Variants in FOXP1 observed in about 807,000 individuals in gnomAD.
FOXP1 encodes forkhead box P1.
In FOXP1, 15 loss-of-function variants were observed where a neutral mutation model predicts 98.2. The ratio of observed to expected loss-of-function variants is 0.15; its 90% CI spans 0.10 to 0.24. FOXP1 has a LOEUF of 0.24. FOXP1 is among the 10% of genes least tolerant of loss of function. The pLI is 1.00. For synonymous variants in FOXP1, 371 were observed against 314.5 expected, an observed-to-expected ratio of 1.18 and a Z score of -1.90; for missense variants, 633 against 848.5, an observed-to-expected ratio of 0.75 and a Z score of 3.15.
intron 2 of FOXP1, among the ~76,000 whole-genome samples, chr3:71,500,464 GGAT>G (rs930556147): frequency 4.5e-4 from 68 of 152,184 alleles, no homozygotes; most frequent in African/African-American, 1.4e-3. Context: ...CCCTCTTTGG[GGAT>G]GAGATAGACC....
At chr3:71,167,679 C>A (rs1213695127) in intron 6 of FOXP1, among the ~76,000 whole-genome samples, 2 of 152,194 alleles carry the variant, frequency 1.3e-5, no homozygotes, top group Non-Finnish European at 2.9e-5. Context: ...GCTTTCACTT[C>A]ATTACTGCCC....
rs2107012031 is a variant in FOXP1, at chr3:70,965,920, C to T, written c.1859G>A (p.Ser620Asn). The T allele has an allele frequency of 6.2e-7, 1 of 1,614,116 alleles. No homozygotes were observed. Among genetic ancestry groups the T allele is most frequent in the Non-Finnish European group, 8.5e-7 (1 of 1,180,022 alleles). ...MEHTNSNESD[S>N]SPGRSPMQAV... ...TTGCATAGGAGATCTGCCTGGACTG[C>T]TGTCACTCTCGTTGCTGTTGGTATG... Residue 620 changes from serine (S) to asparagine (N), a missense_variant, in exon 20 of 21, where the codon AGC becomes AAC. Physicochemically the swap from Ser to Asn is conservative, Grantham distance 46. Coordinates refer to ENST00000649528, the MANE Select transcript of FOXP1 (RefSeq NM_001349338.3).
chr3:71,451,574 CAA>C (rs1267769923), intron 3 of FOXP1, among the ~76,000 whole-genome samples: 1 of 151,616 alleles, frequency 6.6e-6, no homozygotes, highest in Non-Finnish European at 1.5e-5. Flanking sequence ...TTCATTGAAA[CAA>C]AAAGACAAAA....
chr3:71,434,987 A>AT (rs1342185130), intron 3 of FOXP1, among the ~76,000 whole-genome samples: 7 of 151,766 alleles, frequency 4.6e-5, no homozygotes, highest in Admixed American at 4.6e-4. Flanking sequence ...CAGGTATTAG[A>AT]TGGCCATTTC....
rs147684004 is a variant in FOXP1, at chr3:71,562,616, C to T, written c.-298+18933G>A. On this transcript the variant is annotated intron_variant, in intron 2 of 20. Coordinates refer to ENST00000649528, the MANE Select transcript of FOXP1 (RefSeq NM_001349338.3). Reference sequence around the variant, plus strand: ...ATCATGTGAATTATCCTTACAACAACCCAGACAGGTACCTATTATCAACAA... The same window carrying T: ...ATCATGTGAATTATCCTTACAACAATCCAGACAGGTACCTATTATCAACAA... Among the ~76,000 whole-genome samples, 141 of 152,252 alleles carry T rather than the reference C, an allele frequency of 9.3e-4. 2 individuals are homozygous for T. The East Asian group carries it at 0.024, about 25-fold the overall frequency.
chr3:71,522,082 T>C (rs1371309401), intron 2 of FOXP1, among the ~76,000 whole-genome samples: 1 of 152,112 alleles, frequency 6.6e-6, no homozygotes, highest in Non-Finnish European at 1.5e-5. Context: ...AACAGCCACA[T>C]ACAAACATCC....
rs528115174 is a variant in FOXP1, at chr3:71,048,064, G to A, written c.511-969C>T. On this transcript the variant is annotated intron_variant, in intron 9 of 20. Coordinates refer to ENST00000649528, the MANE Select transcript of FOXP1 (RefSeq NM_001349338.3). ...TAATATCCTTAATCTGCTAGCAATCGTATCGAGGTGGAGGTCTTAGCCACA... is the reference window on the plus strand; with the variant it reads ...TAATATCCTTAATCTGCTAGCAATCATATCGAGGTGGAGGTCTTAGCCACA... Among the ~76,000 whole-genome samples the A allele has an allele frequency of 1.3e-4, 20 of 152,122 alleles. No homozygotes were observed. The East Asian group carries it at 2.7e-3, about 21-fold the overall frequency.
At chr3:71,541,383 G>A (rs1313655881) in intron 2 of FOXP1, among the ~76,000 whole-genome samples, 1 of 152,184 alleles carries the variant, frequency 6.6e-6, no homozygotes, top group African/African-American at 2.4e-5. Flanking sequence ...AGTACATCTT[G>A]AGCCCTTTCT....
At chr3:71,556,240 A>C (rs982316618) in intron 2 of FOXP1, among the ~76,000 whole-genome samples, 1 of 152,152 alleles carries the variant, frequency 6.6e-6, no homozygotes, top group Non-Finnish European at 1.5e-5. Context: ...CAATTTCATT[A>C]GTTATTAAAG....
At chr3:70,997,981 C>T (rs554483330) in intron 13 of FOXP1, among the ~76,000 whole-genome samples, 2 of 152,162 alleles carry the variant, frequency 1.3e-5, no homozygotes, top group Non-Finnish European at 2.9e-5. Context: ...ATGTGAAGAG[C>T]TAGTAGGGAA....
intron 2 of FOXP1, chr3:71,570,258 T>G (rs1055298473): frequency 6.6e-6 from 1 of 151,986 alleles, no homozygotes; most frequent in Admixed American, 6.5e-5. Flanking sequence ...ACTTTGTTTC[T>G]TGTTTTCTAC....
intron 6 of FOXP1, among the ~76,000 whole-genome samples, chr3:71,192,915 G>A (rs2063076417): frequency 6.6e-6 from 1 of 152,146 alleles, no homozygotes; most frequent in Non-Finnish European, 1.5e-5. Flanking sequence ...CTCCCAAAAT[G>A]GTGGGATTAC....
At chr3:71,528,922 G>A (rs778850424) in intron 2 of FOXP1, among the ~76,000 whole-genome samples, 14 of 152,146 alleles carry the variant, frequency 9.2e-5, no homozygotes, top group Non-Finnish European at 1.6e-4. Context: ...AAGGAATAGC[G>A]ATCATGAATG....
At position 71,038,765 on chromosome 3, in the gene FOXP1, A is replaced by C. The variant is rs1399840976; in HGVS notation, c.869+2563T>G. ...TGCAGCCTCAAACTCTTGGGCTCAAATGATCCTCCCACCTCAGCCTCTCAA... is the reference window on the plus strand; with the variant it reads ...TGCAGCCTCAAACTCTTGGGCTCAACTGATCCTCCCACCTCAGCCTCTCAA... On this transcript the variant is annotated intron_variant, in intron 11 of 20. Coordinates refer to ENST00000649528, the MANE Select transcript of FOXP1 (RefSeq NM_001349338.3). 4.0e-5 allele frequency among the ~76,000 whole-genome samples: 6 copies of C among 151,860 alleles called. No homozygotes were observed. In the East Asian group the frequency reaches 1.2e-3, roughly 29 times the overall value.
chr3:71,449,769 G>A (rs1279540230), intron 3 of FOXP1, among the ~76,000 whole-genome samples: 1 of 152,202 alleles, frequency 6.6e-6, no homozygotes, highest in Non-Finnish European at 1.5e-5. Context: ...CACTCGAATT[G>A]AGGAATTCTT....
At chr3:70,968,705 A>G (rs2035515795) in intron 19 of FOXP1, 1 of 152,244 alleles carries the variant, frequency 6.6e-6, no homozygotes, top group South Asian at 2.1e-4. Context: ...TATATATTGT[A>G]TATCATGCAT....
chr3:70,966,237 G>A, intron 19 of FOXP1, 181 bp from the exon 20 acceptor site: 2 of 653,410 alleles, frequency 3.1e-6, no homozygotes, highest in Non-Finnish European at 5.4e-6. Flanking sequence ...CCTGTCCCAA[G>A]CTTGGTTTTG....
chr3:71,378,879 A>C (rs987548763), intron 3 of FOXP1, among the ~76,000 whole-genome samples: 14 of 152,242 alleles, frequency 9.2e-5, no homozygotes, highest in African/African-American at 2.9e-4. Context: ...TTAGGCATTC[A>C]CTGGGGGTCT....
intron 6 of FOXP1, among the ~76,000 whole-genome samples, chr3:71,191,345 A>G (rs550395824): frequency 3.9e-4 from 59 of 152,328 alleles, no homozygotes; most frequent in African/African-American, 1.3e-3. Context: ...GACAAGAGAT[A>G]GGGCGTTCTT....
Sources: allele counts gnomAD v4.1 joint callset (sites outside exome capture counted in the v4.1 genomes callset), GRCh38; gene constraint gnomAD v4.1.1; transcripts MANE v1.5; gene names NCBI Gene and HGNC (gene_info 2026-07-23, HGNC 2026-07-21).